Variants in NUP98 observed in about 807,000 individuals in gnomAD.
The protein encoded by NUP98 is nuclear pore complex protein Nup98-Nup96.
In NUP98, 26 loss-of-function variants were observed where a neutral mutation model predicts 191.9. The ratio of observed to expected loss-of-function variants is 0.14; its 90% CI spans 0.10 to 0.19. The LOEUF is 0.19. Ranked by LOEUF, NUP98 falls within the 10% of genes least tolerant of loss-of-function variation. The pLI, the probability that NUP98 is intolerant of heterozygous loss-of-function variation, is 1.00. For synonymous variants in NUP98, 808 were observed against 778.4 expected, an observed-to-expected ratio of 1.04 and a Z score of -0.63; for missense variants, 1,941 against 2,178.8, an observed-to-expected ratio of 0.89 and a Z score of 2.17.
chr11:3,752,687 G>C (rs776893666), intron 11 of NUP98, among the ~76,000 whole-genome samples: 4 of 151,826 alleles, frequency 2.6e-5, no homozygotes, highest in Non-Finnish European at 5.9e-5. Context: ...TGAAAAAGTA[G>C]GCAAAACTCT....
chr11:3,710,943 T>C (rs1350769061), intron 20 of NUP98, among the ~76,000 whole-genome samples: 2 of 152,224 alleles, frequency 1.3e-5, no homozygotes, highest in Non-Finnish European at 2.9e-5. Flanking sequence ...CAGTCAAAGC[T>C]ACTTGCCCAT....
At chr11:3,749,994 T>A (rs2080682195) in intron 11 of NUP98, among the ~76,000 whole-genome samples, 1 of 152,200 alleles carries the variant, frequency 6.6e-6, no homozygotes, top group Admixed American at 6.5e-5. Context: ...TACAATAAAC[T>A]AACACCTGCA....
At chr11:3,739,373 C>G (rs761082181) in intron 12 of NUP98, among the ~76,000 whole-genome samples, 1 of 152,100 alleles carries the variant, frequency 6.6e-6, no homozygotes, top group South Asian at 2.1e-4. Context: ...CTCGGCCTTG[C>G]GAGTAGGTGG....
At chr11:3,744,991 G>C (rs1005853850) in intron 11 of NUP98, among the ~76,000 whole-genome samples, 3 of 152,154 alleles carry the variant, frequency 2.0e-5, no homozygotes, top group Non-Finnish European at 2.9e-5. Context: ...AAAATGTCTG[G>C]TGTAGAAACT....
intron 1 of NUP98, among the ~76,000 whole-genome samples, chr11:3,785,133 G>A (rs1382543385): frequency 6.6e-6 from 1 of 150,782 alleles, no homozygotes; most frequent in Non-Finnish European, 1.5e-5. Context: ...GCGAGACTCT[G>A]TCTCAAAAAA....
At chr11:3,742,793 A>G (rs975544862) in intron 12 of NUP98, among the ~76,000 whole-genome samples, 1 of 152,112 alleles carries the variant, frequency 6.6e-6, no homozygotes, top group African/African-American at 2.4e-5. Flanking sequence ...AGAAGACTCA[A>G]GAAATATTAT....
chr11:3,795,435 G>T (rs1448167761), intron 1 of NUP98, among the ~76,000 whole-genome samples: 1 of 152,080 alleles, frequency 6.6e-6, no homozygotes, highest in Non-Finnish European at 1.5e-5. Flanking sequence ...GATGGAGTGA[G>T]ACCCTATCTC....
chr11:3,749,738 TAA>T (rs879403298), intron 11 of NUP98, among the ~76,000 whole-genome samples: 1 of 141,276 alleles, frequency 7.1e-6, no homozygotes, highest in African/African-American at 2.6e-5. Flanking sequence ...AAATGGCAAA[TAA>T]AAAAAAAAAC....
intron 29 of NUP98, among the ~76,000 whole-genome samples, chr11:3,685,060 AT>A (rs1278144582): frequency 6.6e-6 from 1 of 152,240 alleles, no homozygotes; most frequent in Non-Finnish European, 1.5e-5. Context: ...AACAGAGATA[AT>A]AACAGTGTCT....
At position 3,683,338 on chromosome 11, in the gene NUP98, C is replaced by T. The variant is rs763530160; in HGVS notation, c.4780G>A (p.Val1594Ile). The T allele has an allele frequency of 6.2e-7, 1 of 1,614,078 alleles. No homozygotes were observed. The highest frequency in any genetic ancestry group is 1.3e-5 in the African/African-American group (1 of 74,928). Residue 1594 changes from valine to isoleucine, a missense_variant, in exon 30 of 33, where the codon GTA becomes ATA. Physicochemically the swap from Val to Ile is conservative, Grantham distance 29. This residue lies in a region of NUP98 where 1,030 missense variants were observed against 1,115.8 expected (regional missense o/e 0.92). Transcript: ENST00000324932. ...GCCTCGTGGATCCATTTGGCAGGTA[C>T]ACGGAGCTTCTGGGTAAGGAAAGTC... is the stretch of plus-strand genomic sequence containing the variant. Reference protein sequence around the residue: ...KETFLTQKLRVPAKWIHEAKA... With the variant: ...KETFLTQKLRIPAKWIHEAKA...
chr11:3,796,848 C>G (rs1322516730), intron 1 of NUP98, among the ~76,000 whole-genome samples: 2 of 152,236 alleles, frequency 1.3e-5, no homozygotes, highest in African/African-American at 4.8e-5. Context: ...GTCTCCTCAT[C>G]TGGCTTTACA....
Position 3,769,552 on chromosome 11 carries a change from G to T in NUP98, c.785-808C>A, listed in dbSNP as rs151294886. 2.3e-3 allele frequency among the ~76,000 whole-genome samples: 330 copies of T among 143,010 alleles called. 4 individuals carry two copies. Among genetic ancestry groups the T allele is most frequent in the African/African-American group, 8.1e-3 (308 of 37,920 alleles). The allele number at this position is 143,010 out of a possible 152,430, so 93.8% of individuals were successfully genotyped here. A position where few individuals can be genotyped will look rare whatever the true frequency, so the allele number is the denominator to read the frequency against. On this transcript the variant is annotated intron_variant, in intron 7 of 32. Transcript: ENST00000324932. ...GATTGCTCCACTGCACTCCAGCCTG[G>T]TCAACAAAGTGGGATTCTGTCTCAA...
chr11:3,751,014 C>T (rs1402117465), intron 11 of NUP98, among the ~76,000 whole-genome samples: 1 of 152,110 alleles, frequency 6.6e-6, no homozygotes, highest in Non-Finnish European at 1.5e-5. Context: ...ACTAATGCAC[C>T]TCAGTCTCTG....
chr11:3,768,994 C>A (rs961067794), intron 7 of NUP98, among the ~76,000 whole-genome samples: 1 of 152,176 alleles, frequency 6.6e-6, no homozygotes, highest in African/African-American at 2.4e-5. Flanking sequence ...TGTAAGTCCA[C>A]AGCTTCCTTC....
chr11:3,753,962 T>TA (rs1237827562), intron 10 of NUP98, among the ~76,000 whole-genome samples: 1 of 150,452 alleles, frequency 6.6e-6, no homozygotes, highest in Non-Finnish European at 1.5e-5. Flanking sequence ...AATAAATAAA[T>TA]AAATAAAATA....
intron 18 of NUP98, among the ~76,000 whole-genome samples, chr11:3,718,202 T>A (rs1362671523): frequency 1.3e-5 from 2 of 152,156 alleles, no homozygotes; most frequent in Non-Finnish European, 2.9e-5. Flanking sequence ...ATTCTAGGTT[T>A]TTCTTTTTTG....
chr11:3,682,440 C>T (rs58376453), intron 30 of NUP98, among the ~76,000 whole-genome samples: 3,048 of 152,238 alleles, frequency 0.02, 36 homozygotes, highest in Non-Finnish European at 0.023. Context: ...TTCACTTGAA[C>T]ATATTTAGAG....
At chr11:3,741,607 C>T (rs552207746) in intron 12 of NUP98, among the ~76,000 whole-genome samples, 5 of 151,792 alleles carry the variant, frequency 3.3e-5, no homozygotes, top group South Asian at 2.1e-4. Flanking sequence ...GGTGACAGTG[C>T]GAAACTCCGT....
chr11:3,794,388 T>C lies in NUP98; in HGVS notation c.-29+3012A>G, dbSNP rs1204074095. Among the ~76,000 whole-genome samples, 27 of 152,144 alleles carry C rather than the reference T, an allele frequency of 1.8e-4. 1 individual carries two copies. ...CAGGCTGGAGTGCAGTGGCACAATC[T>C]TGGCTCACTGCAACCTCCGCCTCCC... On this transcript the variant is annotated intron_variant, in intron 1 of 32. Transcript: ENST00000324932.
Sources: allele counts gnomAD v4.1 joint callset (sites outside exome capture counted in the v4.1 genomes callset), GRCh38; gene constraint gnomAD v4.1.1; regional missense constraint gnomAD v4.1.1; transcripts MANE v1.5; gene names NCBI Gene and HGNC (gene_info 2026-07-23, HGNC 2026-07-21).